The following AP4E1 variants were observed in gnomAD, a reference collection of about 807,000 sequenced individuals.
AP4E1 encodes the protein AP-4 complex subunit epsilon-1.
Under a neutral mutation model 128.2 loss-of-function variants are expected in AP4E1, and 56 were observed. That is an observed-to-expected ratio of 0.44 (90% CI 0.35 to 0.55). The LOEUF is 0.55. Among genes scored for constraint, AP4E1 ranks in the 20% least tolerant of loss-of-function variants. AP4E1 has a pLI of 0.00. For missense variants in AP4E1, 1,324 were observed against 1,307.7 expected, an observed-to-expected ratio of 1.01 and a Z score of -0.19; for synonymous variants, 484 against 473.1, an observed-to-expected ratio of 1.02 and a Z score of -0.30.
intron 10 of AP4E1, among the ~76,000 whole-genome samples, chr15:50,947,604 C>G (rs1327199416): frequency 6.6e-6 from 1 of 152,064 alleles, no homozygotes; most frequent in Non-Finnish European, 1.5e-5. Context: ...TCTTCTGTAG[C>G]ATGGGAAATA....
At chr15:50,954,222 T>C (rs1358235223) in intron 13 of AP4E1, among the ~76,000 whole-genome samples, 2 of 151,538 alleles carry the variant, frequency 1.3e-5, no homozygotes, top group African/African-American at 4.8e-5. Flanking sequence ...TTTTCATTTT[T>C]GTGGTATTCC....
intron 16 of AP4E1, among the ~76,000 whole-genome samples, chr15:50,991,223 A>G (rs933750913): frequency 2.0e-5 from 3 of 152,214 alleles, no homozygotes; most frequent in Non-Finnish European, 4.4e-5. Flanking sequence ...ACAGTCCTTC[A>G]TTGAAGAGAG....
chr15:50,951,726 CTT>C (rs71127166), intron 13 of AP4E1, among the ~76,000 whole-genome samples: 11 of 126,006 alleles, frequency 8.7e-5, no homozygotes, highest in Non-Finnish European at 1.2e-4. Context: ...AATTTTCTTT[CTT>C]TTTTTTTTTT....
rs1250518787 is a variant in AP4E1, at chr15:50,950,090, A to G, written c.1469A>G (p.Tyr490Cys). 4 of 1,613,414 alleles carry G rather than the reference A, an allele frequency of 2.5e-6. No homozygotes were observed. The highest frequency in any genetic ancestry group is 2.2e-5 in the South Asian group (2 of 91,076). The part of the protein sequence containing the change: ...DETEDQQLRL[Y>C]AVQSYLTLLD... ...ACAGAAGATCAGCAATTAAGACTCT[A>G]TGCAGTTCAGTCTTATCTCACTTTA... Residue 490 changes from tyrosine to cysteine, a missense_variant, in exon 13 of 21, where the codon TAT (tyrosine) becomes TGT (cysteine). Transcript: ENST00000261842.
intron 5 of AP4E1, among the ~76,000 whole-genome samples, chr15:50,928,484 C>T (rs937952640): frequency 2.0e-5 from 3 of 152,002 alleles, no homozygotes; most frequent in African/African-American, 4.8e-5. Flanking sequence ...GACAGGGTTT[C>T]GCCATGTTGG....
intron 14 of AP4E1, among the ~76,000 whole-genome samples, chr15:50,964,508 T>C (rs1056226373): frequency 6.6e-6 from 1 of 152,182 alleles, no homozygotes; most frequent in African/African-American, 2.4e-5. Flanking sequence ...TGGAGAGTTA[T>C]TGTGTTCCTT....
At chr15:50,997,114 G>A (rs941711628) in intron 17 of AP4E1, among the ~76,000 whole-genome samples, 2 of 152,204 alleles carry the variant, frequency 1.3e-5, no homozygotes, top group East Asian at 1.9e-4. Flanking sequence ...TTTTTTATGA[G>A]AAATAAGATT....
chr15:50,976,372 G>C (rs967013708), intron 15 of AP4E1, among the ~76,000 whole-genome samples: 1 of 152,056 alleles, frequency 6.6e-6, no homozygotes, highest in African/African-American at 2.4e-5. Context: ...AGAATAGAAG[G>C]CAATATCTCA....
intron 16 of AP4E1, among the ~76,000 whole-genome samples, chr15:50,984,840 G>A (rs1233472714): frequency 2.6e-5 from 4 of 152,058 alleles, no homozygotes; most frequent in Non-Finnish European, 4.4e-5. Context: ...GGATTGCTGG[G>A]TCAAATGGTA....
chr15:50,945,489 G>T (rs2064047042), intron 10 of AP4E1: 1 of 759,080 alleles, frequency 1.3e-6, no homozygotes. Context: ...CTCCTGTAAT[G>T]TTCCATATGG....
At chr15:50,934,053 C>G (rs1252786896) in intron 7 of AP4E1, among the ~76,000 whole-genome samples, 6 of 151,992 alleles carry the variant, frequency 3.9e-5, no homozygotes, top group African/African-American at 1.4e-4. Context: ...CAGTATCTTC[C>G]TCATCACAGT....
At chr15:50,961,665 C>G (rs2064315946) in intron 14 of AP4E1, among the ~76,000 whole-genome samples, 1 of 151,882 alleles carries the variant, frequency 6.6e-6, no homozygotes. Context: ...TAAGAAAAAA[C>G]TGAAGGCACT....
At position 50,934,710 on chromosome 15, in the gene AP4E1, TGTAA is replaced by T; in HGVS notation, c.943+14_943+17del. On this transcript the variant is annotated intron_variant, in intron 8 of 20. Transcript: ENST00000261842. The stretch of plus-strand genomic sequence containing the variant: ...AATGTCACATATGGTAGGTAATATA[TGTAA>T]ATATTACTCTAATGACTAATAATGT... 10 of 1,546,534 alleles carry T rather than the reference TGTAA, an allele frequency of 6.5e-6. No homozygotes were observed. Among genetic ancestry groups the T allele is most frequent in the South Asian group, 1.1e-5 (1 of 89,540 alleles).
At chr15:50,926,310 G>A (rs1324021468) in intron 5 of AP4E1, among the ~76,000 whole-genome samples, 1 of 151,470 alleles carries the variant, frequency 6.6e-6, no homozygotes, top group African/African-American at 2.4e-5. Flanking sequence ...CTAATTTTTT[G>A]TATTTTTAGT....
intron 8 of AP4E1, among the ~76,000 whole-genome samples, chr15:50,935,058 G>T (rs1320099800): frequency 6.6e-6 from 1 of 151,910 alleles, no homozygotes; most frequent in Non-Finnish European, 1.5e-5. Flanking sequence ...TAAATCAATC[G>T]ACTAGTTGTC....
In AP4E1 at chr15:51,004,049, A is replaced by T. The variant is rs1312284798; in HGVS notation, c.*1387A>T. The T allele has an allele frequency of 2.0e-5, 3 of 152,268 alleles. No homozygotes were observed. The highest frequency in any genetic ancestry group is 7.2e-5 in the African/African-American group (3 of 41,472). 9.4% of individuals were successfully genotyped at this position (152,268 alleles called of 1,614,324 possible). Reference sequence around the variant, plus strand: ...ATTTTTAAGTTATTCATTAAAAAATATATAACATCTTAATTTTATTCTTTT... The same window carrying T: ...ATTTTTAAGTTATTCATTAAAAAATTTATAACATCTTAATTTTATTCTTTT... On this transcript the variant is annotated 3_prime_UTR_variant, in exon 21 of 21. Coordinates refer to ENST00000261842, the MANE Select transcript of AP4E1 (RefSeq NM_007347.5).
chr15:50,966,478 T>C (rs1567242513), intron 14 of AP4E1, among the ~76,000 whole-genome samples: 1 of 151,936 alleles, frequency 6.6e-6, no homozygotes, highest in Non-Finnish European at 1.5e-5. Context: ...ACTTCCGTTT[T>C]CCTCCAATAA....
chr15:50,948,304 G>T (rs1211702020), intron 11 of AP4E1, 145 bp downstream of exon 11: 12 of 811,082 alleles, frequency 1.5e-5, no homozygotes, highest in East Asian at 3.5e-5. Context: ...TCTCTTGTCA[G>T]AAAAAGGGAT....
chr15:50,982,431 G>C (rs1456372865), intron 15 of AP4E1, among the ~76,000 whole-genome samples: 2 of 152,120 alleles, frequency 1.3e-5, no homozygotes, highest in African/African-American at 4.8e-5. Flanking sequence ...ATCACAAAGA[G>C]TTTTTTAAAA....
Sources: gnomAD v4.1 joint callset for allele counts (sites outside exome capture counted in the v4.1 genomes callset) on GRCh38, gnomAD v4.1.1 for gene constraint, MANE v1.5 for transcripts, NCBI Gene and HGNC (gene_info 2026-07-23, HGNC 2026-07-21) for gene names.